The following ANKRD30BL variants were observed in gnomAD, a reference collection of about 807,000 sequenced individuals.
ANKRD30BL encodes the protein putative ankyrin repeat domain-containing protein 30B-like.
A neutral mutation model predicts 18.4 loss-of-function variants in ANKRD30BL; 20 were observed. That is an observed-to-expected ratio of 1.09 (90% CI 0.77 to 1.58). The LOEUF (loss-of-function observed/expected upper bound fraction) is 1.58. Among genes scored for constraint, ANKRD30BL ranks in the 40% most tolerant of loss-of-function variants. ANKRD30BL has a pLI of 0.00. For missense variants in ANKRD30BL, 224 were observed against 268.6 expected (o/e 0.83, Z 1.16); for synonymous variants, 72 against 100.9 (o/e 0.71, Z 1.72).
chr2:132,252,975 C>A lies in ANKRD30BL; in HGVS notation n.441+4554G>T, dbSNP rs1260622507. Among the ~76,000 whole-genome samples, 9 of 151,998 alleles carry A rather than the reference C, an allele frequency of 5.9e-5. No homozygotes were observed. The East Asian group carries it at 1.6e-3, about 26-fold the overall frequency. On this transcript the variant is annotated intron_variant and non_coding_transcript_variant, in intron 1 of 4. Transcript: ENST00000470729. ...CCGGGAGCCCCCCTTCCCCACGCCA[C>A]CCAACGCGTGACTACACAGGGCCGC...
intron 1 of ANKRD30BL, among the ~76,000 whole-genome samples, chr2:132,215,127 A>T (rs1679461488): frequency 6.6e-6 from 1 of 152,064 alleles, no homozygotes; most frequent in Admixed American, 6.6e-5. Context: ...TTTTTGCAGA[A>T]TCTGCAAGTG....
At chr2:132,202,810 C>G (rs969479107) in intron 1 of ANKRD30BL, among the ~76,000 whole-genome samples, 1 of 152,096 alleles carries the variant, frequency 6.6e-6, no homozygotes, top group African/African-American at 2.4e-5. Context: ...TTTGAAGGCC[C>G]ATTGCACAAT....
intron 1 of ANKRD30BL, among the ~76,000 whole-genome samples, chr2:132,180,552 G>T (rs1377607298): frequency 1.3e-5 from 2 of 152,082 alleles, no homozygotes. Flanking sequence ...ACTGCTTTAT[G>T]CTTGATAAAT....
At chr2:132,209,481 C>T (rs911950781) in intron 1 of ANKRD30BL, among the ~76,000 whole-genome samples, 124 of 149,080 alleles carry the variant, frequency 8.3e-4, no homozygotes, top group African/African-American at 2.7e-3. Flanking sequence ...ACATTCGGAG[C>T]GATTTGAGGC....
intron 1 of ANKRD30BL, among the ~76,000 whole-genome samples, chr2:132,254,223 C>T (rs371670702): frequency 1.3e-5 from 2 of 151,514 alleles, no homozygotes; most frequent in East Asian, 1.9e-4. Flanking sequence ...CTCTGGCTCT[C>T]GGGGCAGGTG....
At chr2:132,182,010 C>T (rs1688472884) in intron 1 of ANKRD30BL, among the ~76,000 whole-genome samples, 1 of 151,974 alleles carries the variant, frequency 6.6e-6, no homozygotes, top group African/African-American at 2.4e-5. Context: ...ACTCTGGAGG[C>T]TGAGGTAGGA....
chr2:132,256,889 T>TG (rs1680862664), intron 1 of ANKRD30BL: 2 of 428,482 alleles, frequency 4.7e-6, no homozygotes, highest in South Asian at 1.6e-5. Flanking sequence ...GCGGGCAGGG[T>TG]GGGGGGCACA....
At chr2:132,167,279 T>TAATTTAATTTAATTTTATTTA (rs1470298340) in intron 1 of ANKRD30BL, among the ~76,000 whole-genome samples, 1 of 10,716 alleles carries the variant, frequency 9.3e-5, no homozygotes, top group African/African-American at 3.2e-4. Flanking sequence ...CATTTATTTT[T>TAATTTAATTTAATTTTATTTA]ATTTTATTTT....
At chr2:132,172,340 A>G (rs1688297145) in intron 1 of ANKRD30BL, among the ~76,000 whole-genome samples, 1 of 152,192 alleles carries the variant, frequency 6.6e-6, no homozygotes, top group South Asian at 2.1e-4. Context: ...TCCCACCAGC[A>G]ATGCACAAGT....
At chr2:132,169,706 CAGATT>C (rs1688246542) in intron 1 of ANKRD30BL, among the ~76,000 whole-genome samples, 1 of 147,212 alleles carries the variant, frequency 6.8e-6, no homozygotes, top group Admixed American at 6.8e-5. Flanking sequence ...ATTTAACTCA[CAGATT>C]AGAGACTGTA....
intron 1 of ANKRD30BL, among the ~76,000 whole-genome samples, chr2:132,218,550 C>A (rs1181819862): frequency 6.6e-6 from 1 of 152,238 alleles, no homozygotes; most frequent in Non-Finnish European, 1.5e-5. Context: ...TTTGATAGAG[C>A]AGGTTTGAAA....
chr2:132,232,804 G>A (rs1405129338), intron 1 of ANKRD30BL, among the ~76,000 whole-genome samples: 3 of 151,988 alleles, frequency 2.0e-5, no homozygotes, highest in East Asian at 1.9e-4. Flanking sequence ...AGCAAGGCAG[G>A]CCAACATTCA....
intron 1 of ANKRD30BL, among the ~76,000 whole-genome samples, chr2:132,221,899 C>T (rs1373829647): frequency 8.0e-6 from 1 of 125,532 alleles, no homozygotes; most frequent in Non-Finnish European, 1.6e-5. Context: ...AGCCAGCCGC[C>T]CCGTCTGGGA....
At chr2:132,221,195 G>A (rs1449357926) in intron 1 of ANKRD30BL, among the ~76,000 whole-genome samples, 3 of 145,822 alleles carry the variant, frequency 2.1e-5, no homozygotes, top group Admixed American at 6.6e-5. Context: ...GGAGGTGGGG[G>A]GGGGTCAGCC....
At chr2:132,195,860 C>T (rs1388060244) in intron 1 of ANKRD30BL, among the ~76,000 whole-genome samples, 4 of 147,644 alleles carry the variant, frequency 2.7e-5, no homozygotes, top group Non-Finnish European at 6.0e-5. Flanking sequence ...TAAAAACAGA[C>T]GTCGAGTGTG....
chr2:132,210,899 C>T (rs1381315872), intron 1 of ANKRD30BL, among the ~76,000 whole-genome samples: 539 of 131,558 alleles, frequency 4.1e-3, no homozygotes, highest in African/African-American at 6.7e-3. Context: ...AAAAACTACA[C>T]AGAAGCATTC....
At chr2:132,152,754 A>C (rs1687793432) in intron 4 of ANKRD30BL, 1 of 152,152 alleles carries the variant, frequency 6.6e-6, no homozygotes, top group Non-Finnish European at 1.5e-5. Flanking sequence ...AAACGACCAC[A>C]ACTAATATTG....
intron 1 of ANKRD30BL, among the ~76,000 whole-genome samples, chr2:132,198,341 TTAGAC>T (rs1558928648): frequency 2.4e-5 from 3 of 125,972 alleles, no homozygotes; most frequent in African/African-American, 9.5e-5. Flanking sequence ...TTTTTTTTTT[TTAGAC>T]AGAGTCTCCC....
chr2:132,169,742 A>G (rs1688247334), intron 1 of ANKRD30BL, among the ~76,000 whole-genome samples: 2 of 151,834 alleles, frequency 1.3e-5, no homozygotes, highest in Admixed American at 6.6e-5. Context: ...GCAGAGGTAT[A>G]TGCCCCCAGG....
Sources: gnomAD v4.1 joint callset for allele counts (sites outside exome capture counted in the v4.1 genomes callset) on GRCh38, gnomAD v4.1.1 for gene constraint, MANE v1.5 for transcripts, NCBI Gene and HGNC (gene_info 2026-07-23, HGNC 2026-07-21) for gene names.